Variants in PIWIL3 observed in about 807,000 individuals in gnomAD.
The protein encoded by PIWIL3 is piwi like RNA-mediated gene silencing 3.
PIWIL3 carries 101 observed loss-of-function variants against 109.7 expected under a neutral mutation model. The ratio of observed to expected loss-of-function variants is 0.92; its 90% confidence interval spans 0.78 to 1.09. The LOEUF (loss-of-function observed/expected upper bound fraction) is 1.09, where lower values mean the gene tolerates loss of function less well. Ranked by LOEUF, PIWIL3 falls within the 50% of genes least tolerant of loss-of-function variation. The pLI is 0.00. For synonymous variants in PIWIL3, 373 were observed against 376.4 expected, an observed-to-expected ratio of 0.99 and a Z score of 0.10; for missense variants, 1,031 against 1,072.6, an observed-to-expected ratio of 0.96 and a Z score of 0.54.
intron 14 of PIWIL3, among the ~76,000 whole-genome samples, chr22:24,733,397 C>G (rs1923471373): frequency 6.6e-6 from 1 of 151,842 alleles, no homozygotes. Context: ...TAGAAAAATA[C>G]CAGGCAACTA....
Position 24,735,689 on chromosome 22 carries a change from G to T in PIWIL3, c.1634+19C>A. 1 of 1,553,064 alleles carries T rather than the reference G, an allele frequency of 6.4e-7. No homozygotes were observed. The highest frequency in any genetic ancestry group is 8.7e-7 in the Non-Finnish European group (1 of 1,152,982). On this transcript the variant is annotated intron_variant, in intron 13 of 20. Coordinates refer to ENST00000616349, the MANE Select transcript of PIWIL3 (RefSeq NM_001255975.1). ...TTGCTAACAATCGATTTTCAAATGG[G>T]AATTTCTGCTCTACTTACATTTCTG...
intron 8 of PIWIL3, 21 bp from the exon 9 acceptor site, chr22:24,751,519 G>GACTTTTTT: frequency 6.2e-7 from 1 of 1,601,030 alleles, no homozygotes; most frequent in South Asian, 1.1e-5. Context: ...ATTACAATAT[G>GACTTTTTT]GTATTATTTG....
chr22:24,726,343 C>T (rs1044424513), intron 16 of PIWIL3, among the ~76,000 whole-genome samples: 15 of 151,052 alleles, frequency 9.9e-5, no homozygotes, highest in African/African-American at 3.2e-4. Context: ...AGTGCAGTGG[C>T]GTGATCTTGG....
Position 24,755,833 on chromosome 22 carries a change from TGAGTTCTTTG to T in PIWIL3, c.633_642del (p.Lys212ArgfsTer70). On this transcript the variant is annotated frameshift_variant, in exon 6 of 21. Coordinates refer to ENST00000616349, the MANE Select transcript of PIWIL3 (RefSeq NM_001255975.1). LOFTEE classifies it high-confidence loss of function. ...CGTAGGCAATCTGGCGACGTGGGCG[TGAGTTCTTTG>T]GAAAACTCAACTGTAATCTTCACGA... The T allele has an allele frequency of 6.2e-7, 1 of 1,614,120 alleles. No homozygotes were observed. Among genetic ancestry groups the T allele is most frequent in the Non-Finnish European group, 8.5e-7 (1 of 1,180,016 alleles).
In PIWIL3 at chr22:24,759,949, A is replaced by G. The variant is rs1925317091; in HGVS notation, c.143T>C (p.Leu48Pro). The G allele has an allele frequency of 6.2e-7, 1 of 1,614,046 alleles. No individual in the cohort carries two copies. The highest frequency in any genetic ancestry group is 1.3e-5 in the African/African-American group (1 of 75,000). ...PPQLQSTPRP[L>P]QEEVPVVRPL... ...TCTAACCACTGGGACTTCCTCCTGC[A>G]GCGGCCGGGGTGTCGACTGCAACTG... Residue 48 changes from leucine (L) to proline (P), a missense_variant, in exon 3 of 21, where the codon CTG becomes CCG. Coordinates refer to ENST00000616349, the MANE Select transcript of PIWIL3 (RefSeq NM_001255975.1).
At chr22:24,753,556 T>C (rs1924834899) in intron 8 of PIWIL3, among the ~76,000 whole-genome samples, 1 of 152,186 alleles carries the variant, frequency 6.6e-6, no homozygotes, top group African/African-American at 2.4e-5. Context: ...TTGAGAAGTG[T>C]GAGTCCTCAA....
chr22:24,722,151 C>G (rs1922710502), intron 19 of PIWIL3, among the ~76,000 whole-genome samples: 1 of 152,146 alleles, frequency 6.6e-6, no homozygotes, highest in South Asian at 2.1e-4. Flanking sequence ...GGCACGATCT[C>G]CGCTCACTGC....
intron 1 of PIWIL3, among the ~76,000 whole-genome samples, chr22:24,769,150 A>G (rs1464655159): frequency 6.6e-6 from 1 of 152,214 alleles, no homozygotes; most frequent in Non-Finnish European, 1.5e-5. Flanking sequence ...TATACATCCT[A>G]TGCACATCCT....
chr22:24,765,595 C>T (rs1448857948), intron 1 of PIWIL3, among the ~76,000 whole-genome samples: 4 of 145,750 alleles, frequency 2.7e-5, no homozygotes, highest in Admixed American at 6.8e-5. Context: ...GGATGAAGGG[C>T]GAGTGAGTCT....
chr22:24,749,964 C>A (rs961014180), intron 9 of PIWIL3, 145 bp from the exon 10 acceptor site: 5 of 1,045,856 alleles, frequency 4.8e-6, no homozygotes, highest in Non-Finnish European at 5.6e-6. Context: ...TAATAGTGTA[C>A]TATGAATACT....
chr22:24,762,262 T>C, intron 2 of PIWIL3, 136 bp downstream of exon 2: 1 of 1,374,646 alleles, frequency 7.3e-7, no homozygotes, highest in Non-Finnish European at 9.5e-7. Flanking sequence ...CTATACAGCC[T>C]GACTTTTCTT....
At chr22:24,755,415 G>T (rs1405679155) in intron 6 of PIWIL3, among the ~76,000 whole-genome samples, 1 of 152,164 alleles carries the variant, frequency 6.6e-6, no homozygotes, top group Middle Eastern at 3.2e-3. Flanking sequence ...GAGCCACCAC[G>T]CCCGGCCTCA....
chr22:24,728,316 A>G lies in PIWIL3; in HGVS notation c.1766T>C (p.Leu589Pro), dbSNP rs1397388168. 9 of 1,614,174 alleles carry G rather than the reference A, an allele frequency of 5.6e-6. No individual in the cohort carries two copies. The highest frequency in any genetic ancestry group is 7.6e-6 in the Non-Finnish European group (9 of 1,180,036). The change falls in exon 15 of 21, where the codon CTA becomes CCA. Residue 589 changes from leucine to proline, a missense_variant. Transcript: ENST00000616349. ...GCTTGGAATTGGGCATTTGGTACAT[A>G]GGTATCTTTTTATGCTGTCATATCT... ...KRRYDSIKRYLCTKCPIPSQC... is the reference protein window; with the variant it reads ...KRRYDSIKRYPCTKCPIPSQC...
Position 24,728,327 on chromosome 22 carries a change from T to C in PIWIL3, c.1755A>G (p.Ile585Met), listed in dbSNP as rs748741441. 12 of 1,614,074 alleles carry C rather than the reference T, an allele frequency of 7.4e-6. No homozygotes were observed. The African/African-American group carries it at 1.1e-4, about 14-fold the overall frequency. ...GGCATTTGGTACATAGGTATCTTTT[T>C]ATGCTGTCATATCTACGTTTGTCAT... ...PNDDKRRYDS[I>M]KRYLCTKCPI... Residue 585 changes from isoleucine to methionine, a missense_variant, in exon 15 of 21, where the codon ATA (isoleucine) becomes ATG (methionine). Coordinates refer to ENST00000616349, the MANE Select transcript of PIWIL3 (RefSeq NM_001255975.1).
At chr22:24,750,049 C>G (rs935481433) in intron 9 of PIWIL3, among the ~76,000 whole-genome samples, 1 of 152,198 alleles carries the variant, frequency 6.6e-6, no homozygotes, top group African/African-American at 2.4e-5. Flanking sequence ...AGGACTCCCA[C>G]CAAACATGAC....
chr22:24,759,612 T>C (rs888033591), intron 3 of PIWIL3, among the ~76,000 whole-genome samples: 2 of 152,264 alleles, frequency 1.3e-5, no homozygotes, highest in Admixed American at 6.5e-5. Context: ...ATGTGTCATC[T>C]AAATTTGAAA....
At position 24,719,845 on chromosome 22, in the gene PIWIL3, G is replaced by A; in HGVS notation, c.2408C>T (p.Pro803Leu). Residue 803 changes from proline to leucine, a missense_variant, in exon 20 of 21, where the codon CCC becomes CTC. Transcript: ENST00000616349. ...SQSVQDGTVT[P>L]THYNVIYDTI... ...GTCATAGATGACGTTATAATGAGTG[G>A]GGGTAACAGTCCCATCTTGCACAGA... The A allele has an allele frequency of 6.2e-7, 1 of 1,611,484 alleles. No individual in the cohort carries two copies. Among genetic ancestry groups the A allele is most frequent in the Non-Finnish European group, 8.5e-7 (1 of 1,177,628 alleles).
chr22:24,734,063 A>G (rs773913110), intron 14 of PIWIL3, 21 bp downstream of exon 14: 1 of 1,596,078 alleles, frequency 6.3e-7, no homozygotes, highest in South Asian at 1.2e-5. Context: ...AAGATTGTAC[A>G]TGTATCAACT....
chr22:24,749,474 C>T lies in PIWIL3; in HGVS notation c.1264G>A (p.Ala422Thr), dbSNP rs758653942. The change falls in exon 11 of 21, where the codon GCT becomes ACT. Residue 422 changes from alanine to threonine, a missense_variant. Physicochemically the swap from Ala to Thr is moderately conservative, Grantham distance 58. Transcript: ENST00000616349. ...CKDYSIVKELAKHTRLSPRRR... is the reference protein window; with the variant it reads ...CKDYSIVKELTKHTRLSPRRR... ...CTTGGACTCAATCTTGTATGTTTAG[C>T]CAATTCTTTCACAATGCTATAATCT... is the stretch of plus-strand genomic sequence containing the variant. 3 of 1,613,590 alleles carry T rather than the reference C, an allele frequency of 1.9e-6. No homozygotes were observed. The highest frequency in any genetic ancestry group is 1.7e-6 in the Non-Finnish European group (2 of 1,179,976).
Sources: allele counts gnomAD v4.1 joint callset (sites outside exome capture counted in the v4.1 genomes callset), GRCh38; gene constraint gnomAD v4.1.1; transcripts MANE v1.5; gene names NCBI Gene and HGNC (gene_info 2026-07-23, HGNC 2026-07-21).